Variants in DNAH6 observed in about 807,000 individuals in gnomAD.
DNAH6 encodes the protein dynein axonemal heavy chain 6.
In DNAH6, 340 loss-of-function variants were observed where a neutral mutation model predicts 491.4. That is an observed-to-expected ratio of 0.69 (90% CI 0.63 to 0.76). The LOEUF is 0.76. Ranked by LOEUF, DNAH6 falls within the 30% of genes least tolerant of loss-of-function variation. The probability of loss-of-function intolerance (pLI) is 0.00; values close to 1 mark genes in which losing one functional copy is unlikely to be tolerated. For missense variants in DNAH6, 4,443 were observed against 4,972.2 expected (o/e 0.89, Z 3.20); for synonymous variants, 1,603 against 1,686.1 (o/e 0.95, Z 1.21).
At position 84,685,406 on chromosome 2, in the gene DNAH6, T is replaced by C; in HGVS notation, c.6997T>C (p.Phe2333Leu). 6.5e-7 allele frequency: 1 copy of C among 1,528,358 alleles called. No homozygotes were observed. The highest frequency in any genetic ancestry group is 2.5e-5 in the East Asian group (1 of 40,750). 94.7% of individuals were successfully genotyped at this position (1,528,358 alleles called of 1,614,324 possible). A position where few individuals can be genotyped will look rare whatever the true frequency, so the allele number is the denominator to read the frequency against. Reference protein sequence around the residue: ...RLFCHECQRVFHDRLINNEDK... With the variant: ...RLFCHECQRVLHDRLINNEDK... ...CTTTTGCCATGAGTGCCAAAGGGTCTTCCATGATCGCTTGATTAATAATGA... is the reference window on the plus strand; with the variant it reads ...CTTTTGCCATGAGTGCCAAAGGGTCCTCCATGATCGCTTGATTAATAATGA... Residue 2333 changes from phenylalanine to leucine, a missense_variant, in exon 43 of 77, where the codon TTC (phenylalanine) becomes CTC (leucine). Coordinates refer to ENST00000389394, the MANE Select transcript of DNAH6 (RefSeq NM_001370.2).
chr2:84,683,412 ATTTTTTTTTT>A (rs61217837), intron 42 of DNAH6, among the ~76,000 whole-genome samples: 63 of 93,894 alleles, frequency 6.7e-4, no homozygotes, highest in African/African-American at 2.4e-3. Context: ...CACCACTCTT[ATTTTTTTTTT>A]TTTTTTTTTT....
intron 11 of DNAH6, among the ~76,000 whole-genome samples, chr2:84,565,617 T>A (rs1367594737): frequency 6.6e-6 from 1 of 152,050 alleles, no homozygotes; most frequent in East Asian, 1.9e-4. Context: ...GTTGGAGTGC[T>A]GGGTTTAAGT....
At chr2:84,594,888 G>A (rs981714858) in intron 17 of DNAH6, among the ~76,000 whole-genome samples, 4 of 152,230 alleles carry the variant, frequency 2.6e-5, no homozygotes, top group South Asian at 2.1e-4. Flanking sequence ...GGAGAAAATA[G>A]AAAATAAAAA....
At chr2:84,742,246 G>A (rs535120689) in intron 62 of DNAH6, among the ~76,000 whole-genome samples, 2 of 151,996 alleles carry the variant, frequency 1.3e-5, no homozygotes, top group African/African-American at 4.8e-5. Context: ...ATATATTTCT[G>A]CACTCTTTAC....
chr2:84,672,374 A>C lies in DNAH6; in HGVS notation c.6502A>C (p.Met2168Leu). The C allele has an allele frequency of 6.4e-7, 1 of 1,551,614 alleles. No homozygotes were observed. The highest frequency in any genetic ancestry group is 8.7e-7 in the Non-Finnish European group (1 of 1,146,850). The change falls in exon 40 of 77, where the codon ATG becomes CTG. Residue 2168 changes from methionine (M) to leucine (L), a missense_variant. Coordinates refer to ENST00000389394, the MANE Select transcript of DNAH6 (RefSeq NM_001370.2). ...TGTGATTTTTGTTGATGATTTAAACATGCCCAGACTGGATCGCTATGGCTC... is the reference window on the plus strand; with the variant it reads ...TGTGATTTTTGTTGATGATTTAAACCTGCCCAGACTGGATCGCTATGGCTC... ...RIVIFVDDLN[M>L]PRLDRYGSQP...
Position 84,529,162 on chromosome 2 carries a change from C to A in DNAH6, c.658C>A (p.Leu220Ile). Residue 220 changes from leucine to isoleucine, a missense_variant, in exon 4 of 77, where the codon CTA becomes ATA. Leu to Ile is a conservative substitution (Grantham distance 5). Around this residue, in one of 3 missense-constraint regions of DNAH6, gnomAD observed 2,977 missense variants for 3,296.6 expected, o/e 0.90. Transcript: ENST00000389394. The part of the protein sequence containing the change: ...RSSIEYDTYN[L>I]KVVSYENINK... The stretch of plus-strand genomic sequence containing the variant: ...ATCCATTGAATATGATACATATAAT[C>A]TAAAGTGAGTTATTTTTTATGATGC... 3 of 1,530,710 alleles carry A rather than the reference C, an allele frequency of 2.0e-6. No individual in the cohort carries two copies. Among genetic ancestry groups the A allele is most frequent in the Non-Finnish European group, 2.6e-6 (3 of 1,133,254 alleles). 94.8% of individuals were successfully genotyped at this position (1,530,710 alleles called of 1,614,324 possible). A position where few individuals can be genotyped will look rare whatever the true frequency, so the allele number is the denominator to read the frequency against.
At chr2:84,609,210 G>A (rs1205426778) in intron 21 of DNAH6, among the ~76,000 whole-genome samples, 3 of 152,032 alleles carry the variant, frequency 2.0e-5, no homozygotes, top group African/African-American at 2.4e-5. Flanking sequence ...ATAGGGTTTT[G>A]GCTTTTATCA....
chr2:84,590,518 A>T (rs1270065225), intron 16 of DNAH6, among the ~76,000 whole-genome samples: 1 of 150,192 alleles, frequency 6.7e-6, no homozygotes, highest in African/African-American at 2.4e-5. Flanking sequence ...AAAAAAAAAA[A>T]GCTACAACTC....
intron 21 of DNAH6, 122 bp from the exon 22 acceptor site, chr2:84,611,552 G>C: frequency 1.3e-6 from 1 of 773,080 alleles, no homozygotes; most frequent in Admixed American, 2.7e-5. Flanking sequence ...GGACCTGTGA[G>C]GAGTCATAAC....
chr2:84,813,039 G>A lies in DNAH6; in HGVS notation c.11926-19G>A, dbSNP rs1208034286. ...CCATCCCAGAAATAACGTTTATTAT[G>A]AATATGTTTCTCCTTCAGCTGTGGC... On this transcript the variant is annotated intron_variant, in intron 73 of 76. Transcript: ENST00000389394. 4 of 1,540,546 alleles carry A rather than the reference G, an allele frequency of 2.6e-6. No homozygotes were observed. In the African/African-American group the frequency reaches 5.5e-5, roughly 21 times the overall value.
chr2:84,721,685 T>C (rs1220633811), intron 59 of DNAH6, among the ~76,000 whole-genome samples: 5 of 152,334 alleles, frequency 3.3e-5, no homozygotes, highest in Admixed American at 6.5e-5. Context: ...TTTTTATCTT[T>C]AATAAATTTA....
chr2:84,657,205 A>G (rs1691065046), intron 35 of DNAH6, among the ~76,000 whole-genome samples: 1 of 152,008 alleles, frequency 6.6e-6, no homozygotes, highest in African/African-American at 2.4e-5. Context: ...CATTCTTTCA[A>G]CAATAACCCA....
At chr2:84,478,929 C>A in the DNAH6 span, among the ~76,000 whole-genome samples, 1 of 152,044 alleles carries the variant, frequency 6.6e-6, no homozygotes, top group African/African-American at 2.4e-5. Context: ...GCAGATGGAG[C>A]AGGAAGGTAA....
intron 22 of DNAH6, among the ~76,000 whole-genome samples, chr2:84,613,239 G>A (rs1210802273): frequency 6.6e-6 from 1 of 152,038 alleles, no homozygotes; most frequent in Non-Finnish European, 1.5e-5. Flanking sequence ...AGTCATGTAT[G>A]TGATCAAAGG....
intron 61 of DNAH6, among the ~76,000 whole-genome samples, chr2:84,729,897 A>G (rs1232570973): frequency 1.3e-5 from 2 of 152,162 alleles, no homozygotes; most frequent in East Asian, 3.8e-4. Flanking sequence ...TCTAAATTAA[A>G]TTTTCTGGAA....
chr2:84,611,983 A>AT, intron 22 of DNAH6, 129 bp downstream of exon 22: 8 of 726,648 alleles, frequency 1.1e-5, no homozygotes, highest in South Asian at 3.1e-5. Flanking sequence ...GATTCTAGTC[A>AT]GCATGGATGA....
At position 84,557,933 on chromosome 2, in the gene DNAH6, A is replaced by G; in HGVS notation, c.1801A>G (p.Lys601Glu). The change falls in exon 11 of 77, where the codon AAG becomes GAG. Residue 601 changes from lysine (K) to glutamate (E), a missense_variant and splice_region_variant. Transcript: ENST00000389394. ...KNFHTIISQI[K>E]ETIQAAFESA... ...TTTTCACACAATTATTTCTCAAATA[A>G]AGGTATGTTTACTCTGACTAAAACT... 1 of 1,597,428 alleles carries G rather than the reference A, an allele frequency of 6.3e-7. No homozygotes were observed. Among genetic ancestry groups the G allele is most frequent in the Non-Finnish European group, 8.6e-7 (1 of 1,167,514 alleles).
At chr2:84,694,718 ACTTTT>A (rs1300329501) in intron 46 of DNAH6, among the ~76,000 whole-genome samples, 2 of 152,210 alleles carry the variant, frequency 1.3e-5, no homozygotes, top group Non-Finnish European at 2.9e-5. Context: ...TAAGTTTTTA[ACTTTT>A]CTTTGAGGGA....
At chr2:84,490,862 A>G in the DNAH6 span, among the ~76,000 whole-genome samples, 1 of 152,176 alleles carries the variant, frequency 6.6e-6, no homozygotes, top group African/African-American at 2.4e-5. Context: ...TCCCTGGCCC[A>G]TGAATATATG....
Sources: allele counts gnomAD v4.1 joint callset (sites outside exome capture counted in the v4.1 genomes callset), GRCh38; gene constraint gnomAD v4.1.1; regional missense constraint gnomAD v4.1.1; transcripts MANE v1.5; gene names NCBI Gene and HGNC (gene_info 2026-07-23, HGNC 2026-07-21).